MTUS1: variants seen among roughly 807,000 people sequenced by gnomAD.
The protein encoded by MTUS1 is microtubule associated scaffold protein 1.
In MTUS1, 109 loss-of-function variants were observed where a neutral mutation model predicts 120.8. The ratio of observed to expected loss-of-function variants is 0.90; its 90% CI spans 0.77 to 1.06. MTUS1 has a LOEUF of 1.06. Among genes scored for constraint, MTUS1 ranks in the 50% least tolerant of loss-of-function variants. The pLI is 0.00. For synonymous variants in MTUS1, 737 were observed against 550.5 expected, an observed-to-expected ratio of 1.34 and a Z score of -4.74; for missense variants, 2,210 against 1,486.3, an observed-to-expected ratio of 1.49 and a Z score of -8.01.
chr8:17,730,084 T>C (rs1395406150), intron 3 of MTUS1, among the ~76,000 whole-genome samples: 4 of 151,726 alleles, frequency 2.6e-5, no homozygotes, highest in Admixed American at 6.6e-5. Context: ...GAATGTAACA[T>C]GGTGTAGCCA....
chr8:17,728,661 A>G (rs939938878), intron 3 of MTUS1, among the ~76,000 whole-genome samples: 6 of 152,206 alleles, frequency 3.9e-5, no homozygotes, highest in Non-Finnish European at 8.8e-5. Flanking sequence ...CACAGGTGGG[A>G]AGAAGAAAAT....
At chr8:17,726,651 A>G (rs1195270353) in intron 3 of MTUS1, among the ~76,000 whole-genome samples, 2 of 152,158 alleles carry the variant, frequency 1.3e-5, no homozygotes, top group East Asian at 3.8e-4. Context: ...TTTTCTTTAC[A>G]TCCTTTACAA....
At chr8:17,692,927 G>A (rs936716055) in intron 6 of MTUS1, among the ~76,000 whole-genome samples, 5 of 152,246 alleles carry the variant, frequency 3.3e-5, no homozygotes, top group South Asian at 4.1e-4. Flanking sequence ...CCCTCGATAC[G>A]TACGTACACA....
rs1018849235 is a variant in MTUS1 at position 17,696,602 on chromosome 8, A to C, written c.2624-12060T>G. ...TGCCCTAAAAGTGAGCAGACAGGTC[A>C]CCACGTGCCTAAAATATATACTAAA... On this transcript the variant is annotated intron_variant, in intron 6 of 14. Coordinates refer to ENST00000693296, the MANE Select transcript of MTUS1 (RefSeq NM_001363059.2). 2.0e-5 allele frequency among the ~76,000 whole-genome samples: 3 copies of C among 152,214 alleles called. No homozygotes were observed. The South Asian group carries it at 6.2e-4, about 32-fold the overall frequency.
At chr8:17,654,016 T>C (rs1029385957) in intron 10 of MTUS1, 3 of 158,372 alleles carry the variant, frequency 1.9e-5, no homozygotes, top group Non-Finnish European at 4.1e-5. Flanking sequence ...TTGCTGAAGG[T>C]CACACAGCCG....
intron 8 of MTUS1, chr8:17,674,508 G>A: frequency 1.0e-6 from 1 of 985,330 alleles, no homozygotes; most frequent in African/African-American, 1.7e-5. Flanking sequence ...AGGGCTTCCA[G>A]GAGAGAATGG....
chr8:17,695,589 T>G (rs951974786), intron 6 of MTUS1, among the ~76,000 whole-genome samples: 4 of 152,224 alleles, frequency 2.6e-5, no homozygotes, highest in Non-Finnish European at 5.9e-5. Context: ...TTACGCTGTC[T>G]TGGAAAGCTA....
chr8:17,751,091 C>T (rs1424903046), intron 2 of MTUS1, among the ~76,000 whole-genome samples: 5 of 151,630 alleles, frequency 3.3e-5, no homozygotes, highest in Non-Finnish European at 5.9e-5. Context: ...CCAATGTGGG[C>T]GGATCACTTG....
chr8:17,671,234 TTTC>T (rs1414893015), intron 8 of MTUS1, among the ~76,000 whole-genome samples: 3 of 152,064 alleles, frequency 2.0e-5, no homozygotes, highest in Non-Finnish European at 4.4e-5. Context: ...TGCCGGCTGT[TTTC>T]TTTTCACTTA....
At chr8:17,662,898 GAGA>G (rs1411933149) in intron 8 of MTUS1, among the ~76,000 whole-genome samples, 2 of 151,510 alleles carry the variant, frequency 1.3e-5, no homozygotes, top group South Asian at 2.1e-4. Context: ...GGGGAGGAAG[GAGA>G]AGAAGGAAAG....
At chr8:17,684,608 G>C in intron 6 of MTUS1, 66 bp from the exon 7 acceptor site, 1 of 1,308,678 alleles carries the variant, frequency 7.6e-7, no homozygotes, top group South Asian at 1.2e-5. Context: ...CCACCACAAG[G>C]ATTCAAAAAC....
At chr8:17,682,272 T>TC (rs1814698303) in intron 7 of MTUS1, among the ~76,000 whole-genome samples, 1 of 152,136 alleles carries the variant, frequency 6.6e-6, no homozygotes, top group Non-Finnish European at 1.5e-5. Flanking sequence ...TTGCAGCACT[T>TC]TGGGAGGCCG....
chr8:17,679,506 TA>T (rs71907901), intron 7 of MTUS1, among the ~76,000 whole-genome samples: 5,003 of 103,848 alleles, frequency 0.048, 154 homozygotes, highest in East Asian at 0.093. Context: ...TTTATTTATT[TA>T]TTTATTTATT....
In MTUS1 at chr8:17,754,459, T is replaced by C; in HGVS notation, c.1349A>G (p.Lys450Arg). Residue 450 changes from lysine to arginine, a missense_variant, in exon 2 of 15, where the codon AAA (lysine) becomes AGA (arginine). By Grantham distance (26) the Lys-to-Arg change is conservative (BLOSUM62 2). Coordinates refer to ENST00000693296, the MANE Select transcript of MTUS1 (RefSeq NM_001363059.2). ...FSVSPIEATE[K>R]CKKVEKGNRG... ...ATTACCCTTCTCCACTTTCTTACAT[T>C]TCTCCGTCGCTTCAATCGGTGAAAC... The C allele has an allele frequency of 1.2e-6, 2 of 1,614,242 alleles. No homozygotes were observed. Among genetic ancestry groups the C allele is most frequent in the Non-Finnish European group, 1.7e-6 (2 of 1,180,038 alleles).
intron 2 of MTUS1, among the ~76,000 whole-genome samples, chr8:17,746,538 T>C (rs771093566): frequency 4.6e-5 from 7 of 152,078 alleles, no homozygotes; most frequent in South Asian, 4.2e-4. Flanking sequence ...GGGAAAGCAG[T>C]TTCCCCTTAT....
chr8:17,667,803 C>T (rs1308755534), intron 8 of MTUS1, among the ~76,000 whole-genome samples: 1 of 152,144 alleles, frequency 6.6e-6, no homozygotes, highest in Non-Finnish European at 1.5e-5. Flanking sequence ...GTTACTTAAC[C>T]TCTGAGCCAC....
intron 1 of MTUS1, among the ~76,000 whole-genome samples, chr8:17,768,161 T>C (rs932470093): frequency 3.9e-5 from 6 of 152,232 alleles, no homozygotes. Context: ...GAGAGCTGTA[T>C]AAATAATGTA....
chr8:17,653,174 C>G lies in MTUS1; in HGVS notation c.3384+12G>C. On this transcript the variant is annotated intron_variant, in intron 12 of 14. Coordinates refer to ENST00000693296, the MANE Select transcript of MTUS1 (RefSeq NM_001363059.2). ...AAAATTCCATACTGATAAAGGAGCA[C>G]ACACAACTTACCAAATTTGCTTTTT... 1 of 1,482,786 alleles carries G rather than the reference C, an allele frequency of 6.7e-7. No homozygotes were observed. The highest frequency in any genetic ancestry group is 9.1e-7 in the Non-Finnish European group (1 of 1,098,604). 91.9% of individuals were successfully genotyped at this position (1,482,786 alleles called of 1,614,324 possible). A position where few individuals can be genotyped will look rare whatever the true frequency, so the allele number is the denominator to read the frequency against.
At chr8:17,676,432 T>C in intron 7 of MTUS1, 2 of 671,330 alleles carry the variant, frequency 3.0e-6, no homozygotes, top group South Asian at 3.1e-5. Flanking sequence ...TTCAAAGCTC[T>C]AGCAGGAGGC....
Sources: allele counts gnomAD v4.1 joint callset (sites outside exome capture counted in the v4.1 genomes callset), GRCh38; gene constraint gnomAD v4.1.1; transcripts MANE v1.5; gene names NCBI Gene and HGNC (gene_info 2026-07-23, HGNC 2026-07-21).